KANSL1L: variants seen among roughly 807,000 people sequenced by gnomAD.
The protein encoded by KANSL1L is KAT8 regulatory NSL complex subunit 1-like protein.
In KANSL1L, 25 loss-of-function variants were observed where a neutral mutation model predicts 108.6. The ratio of observed to expected loss-of-function variants is 0.23; its 90% CI spans 0.17 to 0.32. The LOEUF (loss-of-function observed/expected upper bound fraction) is 0.32, where lower values mean the gene tolerates loss of function less well. KANSL1L is among the 10% of genes least tolerant of loss of function. The pLI is 1.00. For missense variants in KANSL1L, 1,137 were observed against 1,125.7 expected, an observed-to-expected ratio of 1.01 and a Z score of -0.14; for synonymous variants, 405 against 395.1, an observed-to-expected ratio of 1.03 and a Z score of -0.30.
Position 210,136,758 on chromosome 2 carries a change from C to T in KANSL1L, c.1089-7586G>A, listed in dbSNP as rs527268559. On this transcript the variant is annotated intron_variant, in intron 2 of 14. Coordinates refer to ENST00000281772, the MANE Select transcript of KANSL1L (RefSeq NM_152519.4). ...CACAAATGAGTTAGTAATGGGCCTG[C>T]GAAACACTATAATGGGCCCTGAAAA... is the stretch of plus-strand genomic sequence containing the variant. 5.9e-4 allele frequency among the ~76,000 whole-genome samples: 90 copies of T among 152,036 alleles called. 3 individuals are homozygous for T. The South Asian group carries it at 0.018, about 30-fold the overall frequency.
intron 4 of KANSL1L, among the ~76,000 whole-genome samples, chr2:210,102,648 T>C (rs1203751983): frequency 6.6e-6 from 1 of 152,096 alleles, no homozygotes; most frequent in Non-Finnish European, 1.5e-5. Context: ...CATCAACAAG[T>C]GGGCGAAGGA....
intron 5 of KANSL1L, among the ~76,000 whole-genome samples, chr2:210,087,159 G>T (rs1249085560): frequency 6.6e-6 from 1 of 151,864 alleles, no homozygotes; most frequent in Non-Finnish European, 1.5e-5. Flanking sequence ...GTCCCAAGCA[G>T]CTGAGACCAC....
Position 210,031,324 on chromosome 2 carries a change from G to C in KANSL1L, c.2155+97C>G, listed in dbSNP as rs964597266. On this transcript the variant is annotated intron_variant, in intron 9 of 14. Transcript: ENST00000281772. ...TAGATGTTTTGTGTTATTAGTGGCT[G>C]TTCTGGATTATAAACTCCCATGAGA... 15 of 794,964 alleles carry C rather than the reference G, an allele frequency of 1.9e-5. No homozygotes were observed. The African/African-American group carries it at 2.5e-4, about 13-fold the overall frequency. 49.2% of individuals were successfully genotyped at this position (794,964 alleles called of 1,614,324 possible).
chr2:210,144,994 G>A (rs770263741), intron 2 of KANSL1L, among the ~76,000 whole-genome samples: 14 of 152,162 alleles, frequency 9.2e-5, no homozygotes, highest in Non-Finnish European at 1.8e-4. Context: ...CTTCAGGTGG[G>A]TGTGAGGACA....
intron 2 of KANSL1L, among the ~76,000 whole-genome samples, chr2:210,143,301 T>C (rs1432682427): frequency 2.0e-5 from 3 of 152,146 alleles, no homozygotes; most frequent in South Asian, 2.1e-4. Flanking sequence ...AATACCATAT[T>C]TTATTCCTTC....
Position 210,156,620 on chromosome 2 carries a change from T to C in KANSL1L, c.-29-2009A>G, listed in dbSNP as rs541298063. On this transcript the variant is annotated intron_variant, in intron 1 of 14. Transcript: ENST00000281772. ...CACAAACACAAAACCATACCATATA[T>C]ACGTATACATTTGTGTCTGTTTGCA... is the stretch of plus-strand genomic sequence containing the variant. Among the ~76,000 whole-genome samples, 108 of 152,190 alleles carry C rather than the reference T, an allele frequency of 7.1e-4. 3 individuals carry two copies. The South Asian group carries it at 0.021, about 30-fold the overall frequency.
At chr2:210,111,737 TTTA>T (rs2094907484) in intron 3 of KANSL1L, among the ~76,000 whole-genome samples, 2 of 152,008 alleles carry the variant, frequency 1.3e-5, no homozygotes. Context: ...TTTAAAAAAT[TTTA>T]TTATTATTAT....
At chr2:210,170,415 T>C in intron 1 of KANSL1L, 1 of 984,028 alleles carries the variant, frequency 1.0e-6, no homozygotes. Context: ...ATCCAGTGCC[T>C]GCCCTCCCGA....
At chr2:210,148,852 C>A (rs1287945116) in intron 2 of KANSL1L, among the ~76,000 whole-genome samples, 1 of 151,942 alleles carries the variant, frequency 6.6e-6, no homozygotes, top group East Asian at 1.9e-4. Context: ...ATCAATTTTT[C>A]CTATCAGGGC....
intron 1 of KANSL1L, among the ~76,000 whole-genome samples, chr2:210,164,013 A>G (rs2095374206): frequency 6.6e-6 from 1 of 152,156 alleles, no homozygotes; most frequent in Non-Finnish European, 1.5e-5. Flanking sequence ...ATTAGGAAAC[A>G]TTAGTATAGA....
chr2:210,158,120 G>A (rs1281604466), intron 1 of KANSL1L, among the ~76,000 whole-genome samples: 2 of 152,114 alleles, frequency 1.3e-5, no homozygotes, highest in Non-Finnish European at 2.9e-5. Context: ...TCGTATTCAT[G>A]CCCTTGTTTA....
chr2:210,147,128 A>G (rs1366366212), intron 2 of KANSL1L, among the ~76,000 whole-genome samples: 2 of 152,250 alleles, frequency 1.3e-5, no homozygotes, highest in African/African-American at 4.8e-5. Flanking sequence ...TTTTAATTGA[A>G]GTACTACTTC....
intron 3 of KANSL1L, among the ~76,000 whole-genome samples, chr2:210,123,059 T>A (rs561914275): frequency 5.2e-4 from 79 of 152,212 alleles, no homozygotes; most frequent in African/African-American, 1.7e-3. Context: ...CTGGCAAAGT[T>A]GTAGAGAAAA....
intron 6 of KANSL1L, among the ~76,000 whole-genome samples, chr2:210,062,413 T>C (rs551108266): frequency 7.9e-5 from 12 of 152,254 alleles, no homozygotes; most frequent in South Asian, 4.1e-4. Context: ...TTGGTATCAA[T>C]AGAGTAGAGC....
intron 6 of KANSL1L, among the ~76,000 whole-genome samples, chr2:210,046,062 G>A (rs570412366): frequency 6.6e-6 from 1 of 152,260 alleles, no homozygotes; most frequent in African/African-American, 2.4e-5. Flanking sequence ...TCACTGATAA[G>A]ATGGCTGTAA....
At chr2:210,027,589 A>G (rs998965946) in intron 11 of KANSL1L, among the ~76,000 whole-genome samples, 3 of 152,232 alleles carry the variant, frequency 2.0e-5, no homozygotes, top group South Asian at 2.1e-4. Context: ...GCTGCATTTT[A>G]TACATAATAA....
At chr2:210,103,434 C>T (rs913854461) in intron 4 of KANSL1L, among the ~76,000 whole-genome samples, 11 of 151,890 alleles carry the variant, frequency 7.2e-5, no homozygotes, top group Non-Finnish European at 8.8e-5. Context: ...CAAACCTGCA[C>T]GTTGTGCACA....
chr2:210,170,461 T>C (rs1688267368), intron 1 of KANSL1L: 4 of 865,712 alleles, frequency 4.6e-6, no homozygotes, highest in Non-Finnish European at 5.6e-6. Context: ...CTGTGGTTTC[T>C]GAAACGGCCA....
chr2:210,146,766 A>C (rs1291403017), intron 2 of KANSL1L, among the ~76,000 whole-genome samples: 1 of 152,234 alleles, frequency 6.6e-6, no homozygotes, highest in Non-Finnish European at 1.5e-5. Context: ...ATTGTGATTC[A>C]CTGATTTATA....
Sources: allele counts gnomAD v4.1 joint callset (sites outside exome capture counted in the v4.1 genomes callset), GRCh38; gene constraint gnomAD v4.1.1; transcripts MANE v1.5; gene names NCBI Gene and HGNC (gene_info 2026-07-23, HGNC 2026-07-21).